The following MGAT5 variants were observed in gnomAD, a reference collection of about 807,000 sequenced individuals.
MGAT5 encodes alpha-1,6-mannosylglycoprotein 6-beta-N-acetylglucosaminyltransferase.
In MGAT5, 30 loss-of-function variants were observed where a neutral mutation model predicts 94.3. That is an observed-to-expected ratio of 0.32 (90% CI 0.24 to 0.43). The LOEUF (loss-of-function observed/expected upper bound fraction) is 0.43. Ranked by LOEUF, MGAT5 falls within the 20% of genes least tolerant of loss-of-function variation. The pLI is 1.00. For synonymous variants in MGAT5, 310 were observed against 322.9 expected (o/e 0.96, Z 0.43); for missense variants, 691 against 905.5 (o/e 0.76, Z 3.04).
chr2:134,340,276 A>G (rs1303993117), intron 6 of MGAT5, among the ~76,000 whole-genome samples: 2 of 152,138 alleles, frequency 1.3e-5, no homozygotes, highest in Non-Finnish European at 2.9e-5. Context: ...TCTTGGAAAA[A>G]TGGCTTATTA....
chr2:134,143,113 A>T (rs1686738216), intron 1 of MGAT5, among the ~76,000 whole-genome samples: 1 of 152,142 alleles, frequency 6.6e-6, no homozygotes, highest in Non-Finnish European at 1.5e-5. Flanking sequence ...CGGATGACTC[A>T]CTGACATGGA....
chr2:134,177,677 T>G (rs2105152630), intron 1 of MGAT5, among the ~76,000 whole-genome samples: 1 of 152,304 alleles, frequency 6.6e-6, no homozygotes, highest in East Asian at 1.9e-4. Context: ...TGGTCAGGCA[T>G]GAAATTTTTA....
intron 1 of MGAT5, among the ~76,000 whole-genome samples, chr2:134,233,251 A>T (rs896850451): frequency 1.3e-5 from 2 of 152,228 alleles, no homozygotes; most frequent in African/African-American, 4.8e-5. Flanking sequence ...CTATGCAATG[A>T]ATCACAGTGT....
Position 134,422,865 on chromosome 2 carries a change from C to T in MGAT5, c.1740C>T (p.Asp580=), listed in dbSNP as rs1202572505. 2 of 1,613,920 alleles carry T rather than the reference C, an allele frequency of 1.2e-6. No individual in the cohort carries two copies. The highest frequency in any genetic ancestry group is 1.7e-6 in the Non-Finnish European group (2 of 1,179,848). ...FIGRPHVWTV[D]LNNQEEVEDA... is the part of the protein sequence containing the mutation. ...GGCGGCCACATGTGTGGACTGTTGA[C>T]CTCAACAATCAGGAGGAAGTAGAGG... Residue 580 remains aspartate (D), a synonymous_variant, in exon 13 of 16, where the codon GAC becomes GAT. Transcript: ENST00000281923.
intron 2 of MGAT5, among the ~76,000 whole-genome samples, chr2:134,287,217 C>T (rs897543227): frequency 3.9e-5 from 6 of 152,124 alleles, no homozygotes; most frequent in Non-Finnish European, 7.4e-5. Flanking sequence ...ACATCCAGCT[C>T]GTCTCCTGAA....
At chr2:134,255,741 G>A (rs978549909) in intron 1 of MGAT5, among the ~76,000 whole-genome samples, 5 of 152,118 alleles carry the variant, frequency 3.3e-5, no homozygotes, top group African/African-American at 1.2e-4. Context: ...GTTAGGTGAG[G>A]TGGAGAAAGT....
chr2:134,249,816 G>GT (rs1682488271), upstream of MGAT5, among the ~76,000 whole-genome samples: 1 of 152,226 alleles, frequency 6.6e-6, no homozygotes, highest in African/African-American at 2.4e-5. Flanking sequence ...GTAACTCCAT[G>GT]TTTAACTATT....
At chr2:134,366,855 A>G (rs6741929) in intron 10 of MGAT5, among the ~76,000 whole-genome samples, 2,159 of 152,208 alleles carry the variant, frequency 0.014, 49 homozygotes, top group African/African-American at 0.047. Flanking sequence ...CCTCTTTTCT[A>G]TTTATCTTTG....
At chr2:134,277,446 C>T (rs1332710382) in intron 2 of MGAT5, among the ~76,000 whole-genome samples, 2 of 152,030 alleles carry the variant, frequency 1.3e-5, no homozygotes, top group Admixed American at 6.6e-5. Flanking sequence ...AGAGAGCGAG[C>T]GAGAGAGCAA....
intron 7 of MGAT5, among the ~76,000 whole-genome samples, chr2:134,342,811 G>A (rs186052154): frequency 2.0e-5 from 3 of 152,012 alleles, no homozygotes. Flanking sequence ...CTGTAGGCTA[G>A]TTTTGGTGTC....
intron 1 of MGAT5, among the ~76,000 whole-genome samples, chr2:134,258,904 G>A (rs761676938): frequency 4.6e-5 from 7 of 152,230 alleles, no homozygotes; most frequent in South Asian, 2.1e-4. Flanking sequence ...GCAAAGTGCT[G>A]TGTGTCAGGT....
intron 2 of MGAT5, among the ~76,000 whole-genome samples, chr2:134,284,382 T>C (rs1684880783): frequency 6.6e-6 from 1 of 152,206 alleles, no homozygotes; most frequent in Non-Finnish European, 1.5e-5. Flanking sequence ...GTGGCTGCTT[T>C]CATGCTACAG....
At chr2:134,189,602 G>GTTTTTTTTTTTTTGTT (rs1553490382) in intron 1 of MGAT5, among the ~76,000 whole-genome samples, 1 of 84,670 alleles carries the variant, frequency 1.2e-5, no homozygotes, top group Non-Finnish European at 2.3e-5. Flanking sequence ...GTTTTTTTTT[G>GTTTTTTTTTTTTTGTT]TTTTTTTTTT....
chr2:134,132,438 T>G (rs1686221322), intron 1 of MGAT5, among the ~76,000 whole-genome samples: 1 of 152,262 alleles, frequency 6.6e-6, no homozygotes, highest in African/African-American at 2.4e-5. Context: ...TACTTAACCT[T>G]TATCGTGGCC....
At chr2:134,329,020 A>G (rs911958381) in intron 4 of MGAT5, among the ~76,000 whole-genome samples, 1 of 152,124 alleles carries the variant, frequency 6.6e-6, no homozygotes, top group African/African-American at 2.4e-5. Context: ...CAGGTAAACA[A>G]TGAGTTTTTT....
At chr2:134,296,990 A>G (rs1685712867) in intron 2 of MGAT5, among the ~76,000 whole-genome samples, 1 of 151,924 alleles carries the variant, frequency 6.6e-6, no homozygotes, top group Non-Finnish European at 1.5e-5. Flanking sequence ...CTTGAAACCA[A>G]GAGTTTAAGA....
In MGAT5 at chr2:134,254,514, A is replaced by T. The variant is rs1253428402; in HGVS notation, c.111A>T (p.Arg37=). 1.2e-6 allele frequency: 2 copies of T among 1,614,232 alleles called. No individual in the cohort carries two copies. The highest frequency in any genetic ancestry group is 1.7e-6 in the Non-Finnish European group (2 of 1,180,040). ...TTCTGCACTTTACCATCCAGCAGCG[A>T]ACTCAGCCTGAAAGCAGCTCCATGC... ...MMLLHFTIQQ[R]TQPESSSMLR... Residue 37 remains arginine, a synonymous_variant, in exon 1 of 16, where the codon CGA becomes CGT. Coordinates refer to ENST00000281923, the MANE Select transcript of MGAT5 (RefSeq NM_002410.5).
intron 10 of MGAT5, among the ~76,000 whole-genome samples, chr2:134,398,757 G>A (rs1257346855): frequency 6.6e-6 from 1 of 152,124 alleles, no homozygotes; most frequent in Non-Finnish European, 1.5e-5. Flanking sequence ...AAAAATGGCA[G>A]TCTGTAGTTT....
At chr2:134,434,051 CCT>C (rs1366011969) in intron 14 of MGAT5, among the ~76,000 whole-genome samples, 3 of 152,154 alleles carry the variant, frequency 2.0e-5, no homozygotes, top group African/African-American at 7.2e-5. Context: ...ACCACTTAGC[CCT>C]CTCTGACTGG....
Sources: gnomAD v4.1 joint callset for allele counts (sites outside exome capture counted in the v4.1 genomes callset) on GRCh38, gnomAD v4.1.1 for gene constraint, MANE v1.5 for transcripts, NCBI Gene and HGNC (gene_info 2026-07-23, HGNC 2026-07-21) for gene names.